Variants in SDK2 observed in about 807,000 individuals in gnomAD.
The protein encoded by SDK2 is sidekick cell adhesion molecule 2, also known as protein sidekick-2.
SDK2 carries 105 observed loss-of-function variants against 253.9 expected under a neutral mutation model. That is an observed-to-expected ratio of 0.41 (90% CI 0.35 to 0.49). SDK2 has a LOEUF of 0.49. Among genes scored for constraint, SDK2 ranks in the 20% least tolerant of loss-of-function variants. The pLI, the probability that SDK2 is intolerant of heterozygous loss-of-function variation, is 0.06. For missense variants in SDK2, 2,608 were observed against 3,003.0 expected, an observed-to-expected ratio of 0.87 and a Z score of 3.07; for synonymous variants, 1,249 against 1,234.9, an observed-to-expected ratio of 1.01 and a Z score of -0.24.
Position 73,393,453 on chromosome 17 carries a change from T to C in SDK2, c.3898+107A>G, listed in dbSNP as rs922344087. 9 of 1,049,366 alleles carry C rather than the reference T, an allele frequency of 8.6e-6. No individual in the cohort carries two copies. The South Asian group carries it at 9.5e-5, about 11-fold the overall frequency. 65.0% of individuals were successfully genotyped at this position (1,049,366 alleles called of 1,614,324 possible). A position where few individuals can be genotyped will look rare whatever the true frequency, so the allele number is the denominator to read the frequency against. ...TCCCTACCGGAGGCATCTGAGGCCA[T>C]GGCTCCCTGTGGGGCAGAGCCTGAC... On this transcript the variant is annotated intron_variant, in intron 27 of 44. Coordinates refer to ENST00000392650, the MANE Select transcript of SDK2 (RefSeq NM_001144952.2).
intron 1 of SDK2, among the ~76,000 whole-genome samples, chr17:73,510,293 C>G: frequency 6.6e-6 from 1 of 152,136 alleles, no homozygotes; most frequent in East Asian, 1.9e-4. Flanking sequence ...ACCTTGCACC[C>G]CACAGGCCTG....
At position 73,366,917 on chromosome 17, in the gene SDK2, C is replaced by T. The variant is rs148727119; in HGVS notation, c.5167+1490G>A. On this transcript the variant is annotated intron_variant, in intron 37 of 44. Transcript: ENST00000392650. ...CCCCTCCACCAGGCCATCTTCTGCA[C>T]AGCAGCCGGAGCACTTTTCTCTAAA... Among the ~76,000 whole-genome samples, 114 of 152,322 alleles carry T rather than the reference C, an allele frequency of 7.5e-4. No individual in the cohort carries two copies. In the Middle Eastern group the frequency reaches 0.01, roughly 14 times the overall value.
chr17:73,380,729 C>A (rs2062823097), intron 34 of SDK2, among the ~76,000 whole-genome samples, 165 bp downstream of exon 34: 1 of 152,202 alleles, frequency 6.6e-6, no homozygotes, highest in Non-Finnish European at 1.5e-5. Flanking sequence ...GCCTACTTTT[C>A]CGTGTGTTTA....
chr17:73,402,177 G>A, intron 18 of SDK2, 36 bp from the exon 19 acceptor site: 2 of 1,596,052 alleles, frequency 1.3e-6, no homozygotes, highest in South Asian at 1.1e-5. Flanking sequence ...AGGGCAGCAG[G>A]AAGGTTCCAG....
chr17:73,375,331 G>A (rs569271074), intron 36 of SDK2, among the ~76,000 whole-genome samples: 4 of 139,280 alleles, frequency 2.9e-5, no homozygotes, highest in South Asian at 4.7e-4. Context: ...ACCCTCACTC[G>A]GCCGGGCTCA....
intron 2 of SDK2, 74 bp from the exon 3 acceptor site, chr17:73,472,292 G>T: frequency 9.4e-7 from 1 of 1,060,396 alleles, no homozygotes; most frequent in Non-Finnish European, 1.4e-6. Flanking sequence ...TGGGCTCAGA[G>T]GTCAGAGGTC....
At chr17:73,375,254 TTTTTTTTG>T (rs1458090450) in intron 36 of SDK2, among the ~76,000 whole-genome samples, 2 of 3,086 alleles carry the variant, frequency 6.5e-4, no homozygotes, top group African/African-American at 1.5e-3. Flanking sequence ...TTTTTTTTTT[TTTTTTTTG>T]AGACAGTCTT....
At chr17:73,339,653 A>G (rs1176159818) in intron 44 of SDK2, among the ~76,000 whole-genome samples, 1 of 151,564 alleles carries the variant, frequency 6.6e-6, no homozygotes, top group Non-Finnish European at 1.5e-5. Context: ...TCCTAAGCTC[A>G]AGCTATCCTC....
At chr17:73,401,890 C>T (rs1241076947) in intron 19 of SDK2, 56 bp downstream of exon 19, 20 of 1,446,122 alleles carry the variant, frequency 1.4e-5, no homozygotes, top group Admixed American at 4.0e-5. Flanking sequence ...GCCTGGGGCG[C>T]CCAGCCTGGC....
At chr17:73,634,808 G>A (rs1480598181) in intron 1 of SDK2, among the ~76,000 whole-genome samples, 1 of 152,146 alleles carries the variant, frequency 6.6e-6, no homozygotes, top group African/African-American at 2.4e-5. Flanking sequence ...TACATACACA[G>A]AACACTGTGT....
chr17:73,347,188 C>T (rs1862189896), intron 44 of SDK2, among the ~76,000 whole-genome samples: 1 of 152,090 alleles, frequency 6.6e-6, no homozygotes, highest in Admixed American at 6.5e-5. Context: ...TAGTGAAACC[C>T]CATCTCTACT....
rs2045460503 is a variant in SDK2 at position 73,576,494 on chromosome 17, G to A, written c.64+67531C>T. ...GCATGGATAGAGAGGAAAGGGCTTT[G>A]AGGGAGAGTGAGCCAGGCAGGCTTG... On this transcript the variant is annotated intron_variant, in intron 1 of 44. Transcript: ENST00000392650. 5.3e-5 allele frequency among the ~76,000 whole-genome samples: 8 copies of A among 152,228 alleles called. No homozygotes were observed. The South Asian group carries it at 1.0e-3, about 20-fold the overall frequency.
chr17:73,524,062 C>A (rs750455465), intron 1 of SDK2, among the ~76,000 whole-genome samples: 2 of 152,208 alleles, frequency 1.3e-5, no homozygotes, highest in Non-Finnish European at 2.9e-5. Context: ...CCTGCCCCTG[C>A]ATCCCTCTGA....
chr17:73,466,291 T>C (rs1280629194), intron 3 of SDK2, among the ~76,000 whole-genome samples: 2 of 152,178 alleles, frequency 1.3e-5, no homozygotes, highest in African/African-American at 2.4e-5. Context: ...TCTCCCTGAG[T>C]GCCGTCCAGT....
Position 73,344,316 on chromosome 17 carries a change from G to A in SDK2, c.6165+4283C>T, listed in dbSNP as rs766158085. Among the ~76,000 whole-genome samples the A allele has an allele frequency of 2.6e-5, 4 of 152,270 alleles. No individual in the cohort carries two copies. The South Asian group carries it at 6.2e-4, about 24-fold the overall frequency. On this transcript the variant is annotated intron_variant, in intron 44 of 44. Transcript: ENST00000392650. Reference sequence around the variant, plus strand: ...TACCCCTCCCCCCACACCCACAACCGGCTGTCAGAGATGTCTGTGGTCAGG... The same window carrying A: ...TACCCCTCCCCCCACACCCACAACCAGCTGTCAGAGATGTCTGTGGTCAGG...
intron 18 of SDK2, 104 bp downstream of exon 18, chr17:73,414,540 T>G: frequency 2.3e-6 from 2 of 863,800 alleles, no homozygotes; most frequent in Admixed American, 4.2e-5. Flanking sequence ...GCCAATGACT[T>G]CAGAAACAGA....
intron 22 of SDK2, among the ~76,000 whole-genome samples, chr17:73,398,773 G>A (rs1006580261): frequency 3.3e-5 from 5 of 152,108 alleles, no homozygotes; most frequent in Admixed American, 1.3e-4. Flanking sequence ...TGAACACCCC[G>A]GGTACTTCCA....
chr17:73,631,514 G>C (rs1375138805), intron 1 of SDK2, among the ~76,000 whole-genome samples: 2 of 152,200 alleles, frequency 1.3e-5, no homozygotes, highest in African/African-American at 4.8e-5. Context: ...ACAAACATCA[G>C]GGATGGGCAG....
Position 73,639,773 on chromosome 17 carries a change from A to G in SDK2, c.64+4252T>C, listed in dbSNP as rs750717853. Among the ~76,000 whole-genome samples, 14 of 152,116 alleles carry G rather than the reference A, an allele frequency of 9.2e-5. No homozygotes were observed. Among genetic ancestry groups the G allele is most frequent in the Non-Finnish European group, 2.1e-4 (14 of 67,984 alleles). Reference sequence around the variant, plus strand: ...ACCCCTTCAACCACAGCCAGATCCTAGGAAAACCAGCTATAAGGGGACAAT... The same window carrying G: ...ACCCCTTCAACCACAGCCAGATCCTGGGAAAACCAGCTATAAGGGGACAAT... On this transcript the variant is annotated intron_variant, in intron 1 of 44. Coordinates refer to ENST00000392650, the MANE Select transcript of SDK2 (RefSeq NM_001144952.2). The surrounding 1 kb of genome is among the most constrained non-coding windows in gnomAD (Gnocchi z 4.3).
Sources: allele counts gnomAD v4.1 joint callset (sites outside exome capture counted in the v4.1 genomes callset), GRCh38; gene constraint gnomAD v4.1.1; non-coding constraint Gnocchi (gnomAD v3.1); transcripts MANE v1.5; gene names NCBI Gene and HGNC (gene_info 2026-07-23, HGNC 2026-07-21).